Variants in KCNQ3 observed in about 807,000 individuals in gnomAD.
KCNQ3 encodes the protein potassium voltage-gated channel subfamily Q member 3.
KCNQ3 carries 30 observed loss-of-function variants against 92.5 expected under a neutral mutation model. The observed-to-expected ratio is 0.32, with a 90% confidence interval of 0.24 to 0.44. The LOEUF is 0.44. Ranked by LOEUF, KCNQ3 falls within the 20% of genes least tolerant of loss-of-function variation. The pLI is 1.00. For missense variants in KCNQ3, 913 were observed against 1,140.3 expected (o/e 0.80, Z 2.87); for synonymous variants, 450 against 468.8 (o/e 0.96, Z 0.52).
At chr8:132,279,324 A>AT (rs1175272857) in intron 1 of KCNQ3, among the ~76,000 whole-genome samples, 1 of 152,166 alleles carries the variant, frequency 6.6e-6, no homozygotes, top group East Asian at 1.9e-4. Context: ...CTCCTAGGTG[A>AT]TTTTACCGTG....
intron 1 of KCNQ3, among the ~76,000 whole-genome samples, chr8:132,446,039 A>T (rs1041109098): frequency 3.9e-5 from 6 of 152,198 alleles, no homozygotes; most frequent in African/African-American, 1.4e-4. Context: ...TGCAGAGCTG[A>T]ACTGTATTTA....
At chr8:132,340,862 A>G (rs1818510512) in intron 1 of KCNQ3, among the ~76,000 whole-genome samples, 1 of 152,204 alleles carries the variant, frequency 6.6e-6, no homozygotes, top group African/African-American at 2.4e-5. Flanking sequence ...CCTTCATTGC[A>G]CCTATATTGA....
At chr8:132,412,229 C>T (rs1238083817) in intron 1 of KCNQ3, among the ~76,000 whole-genome samples, 1 of 152,172 alleles carries the variant, frequency 6.6e-6, no homozygotes, top group Non-Finnish European at 1.5e-5. Flanking sequence ...TTGAGAATCA[C>T]CAAGGGCAGT....
At chr8:132,223,035 G>A (rs1814285878) in intron 1 of KCNQ3, among the ~76,000 whole-genome samples, 2 of 152,246 alleles carry the variant, frequency 1.3e-5, no homozygotes, top group African/African-American at 2.4e-5. Context: ...AAAGGCTACA[G>A]TGTGGGTGGA....
intron 13 of KCNQ3, among the ~76,000 whole-genome samples, chr8:132,133,513 G>A (rs975670009): frequency 2.2e-4 from 33 of 151,806 alleles, no homozygotes; most frequent in African/African-American, 7.3e-4. Flanking sequence ...GCGCCACCAC[G>A]CCCAGCTAAT....
intron 1 of KCNQ3, among the ~76,000 whole-genome samples, chr8:132,431,753 T>A (rs572275939): frequency 6.6e-6 from 1 of 152,188 alleles, no homozygotes; most frequent in Non-Finnish European, 1.5e-5. Context: ...GAAATTGTTT[T>A]CATCGTTCCC....
At chr8:132,402,743 C>T (rs532856315) in intron 1 of KCNQ3, among the ~76,000 whole-genome samples, 126 of 152,130 alleles carry the variant, frequency 8.3e-4, no homozygotes, top group Non-Finnish European at 1.6e-3. Context: ...ATTGGCCCGG[C>T]GCGGTGGCTC....
chr8:132,218,390 G>T (rs1279913657), intron 1 of KCNQ3, among the ~76,000 whole-genome samples: 1 of 152,170 alleles, frequency 6.6e-6, no homozygotes, highest in African/African-American at 2.4e-5. Flanking sequence ...GTACATTTTG[G>T]TTGAATGAAT....
rs552786087 is a variant in KCNQ3, at chr8:132,280,824, G to A, written c.387-94643C>T. 6.6e-5 allele frequency among the ~76,000 whole-genome samples: 10 copies of A among 152,282 alleles called. No individual in the cohort carries two copies. In the South Asian group the frequency reaches 1.4e-3, roughly 22 times the overall value. ...TGATTTCATTCCTCTTTTTGTTTGC[G>A]ATGTAGTTGCATTTGTCACGTAGTT... On this transcript the variant is annotated intron_variant, in intron 1 of 14. Transcript: ENST00000388996.
chr8:132,199,709 A>C (rs1652255731), intron 1 of KCNQ3, among the ~76,000 whole-genome samples: 1 of 152,200 alleles, frequency 6.6e-6, no homozygotes, highest in South Asian at 2.1e-4. Context: ...CAGGAGTTCG[A>C]CACCAGCCTG....
At chr8:132,279,341 G>C (rs1163074608) in intron 1 of KCNQ3, among the ~76,000 whole-genome samples, 1 of 152,158 alleles carries the variant, frequency 6.6e-6, no homozygotes, top group Non-Finnish European at 1.5e-5. Context: ...CGTGCAGCAT[G>C]GTTAAGAAGC....
intron 1 of KCNQ3, among the ~76,000 whole-genome samples, chr8:132,192,298 A>G (rs73356933): frequency 0.013 from 1,979 of 152,346 alleles, 48 homozygotes; most frequent in African/African-American, 0.046. Flanking sequence ...ATTAATTTAT[A>G]CAGCTAAAAT....
At chr8:132,288,115 A>G (rs1466522459) in intron 1 of KCNQ3, among the ~76,000 whole-genome samples, 3 of 152,228 alleles carry the variant, frequency 2.0e-5, no homozygotes, top group East Asian at 1.9e-4. Context: ...ATCTTTATGC[A>G]TGACATCTTT....
At chr8:132,430,054 G>A (rs1321511106) in intron 1 of KCNQ3, among the ~76,000 whole-genome samples, 1 of 152,112 alleles carries the variant, frequency 6.6e-6, no homozygotes, top group Admixed American at 6.5e-5. Context: ...TGGGCAGAGA[G>A]GCCTAGGGGT....
At chr8:132,400,194 T>C (rs1820297666) in intron 1 of KCNQ3, among the ~76,000 whole-genome samples, 2 of 152,220 alleles carry the variant, frequency 1.3e-5, no homozygotes, top group African/African-American at 4.8e-5. Flanking sequence ...TCAGCGTCTG[T>C]GTGCCTCTTG....
At chr8:132,185,965 G>C (rs1826943775) in intron 2 of KCNQ3, 126 bp downstream of exon 2, 1 of 749,042 alleles carries the variant, frequency 1.3e-6, no homozygotes, top group Admixed American at 1.9e-5. Flanking sequence ...CTTTTCCTTG[G>C]GCCTGGACTT....
intron 1 of KCNQ3, among the ~76,000 whole-genome samples, chr8:132,477,199 T>A: frequency 6.6e-6 from 1 of 152,142 alleles, no homozygotes; most frequent in Non-Finnish European, 1.5e-5. Flanking sequence ...CAGTCTCAGG[T>A]ATTTCTTTAT....
intron 9 of KCNQ3, among the ~76,000 whole-genome samples, chr8:132,147,146 G>A (rs1825475383): frequency 6.6e-6 from 1 of 152,218 alleles, no homozygotes; most frequent in African/African-American, 2.4e-5. Flanking sequence ...AGATGCTACT[G>A]CTGTGGAGTA....
At position 132,122,906 on chromosome 8, in the gene KCNQ3, C is replaced by G. The variant is rs1055030359; in HGVS notation, c.*6356G>C. 1.3e-5 allele frequency: 2 copies of G among 152,168 alleles called. No homozygotes were observed. The highest frequency in any genetic ancestry group is 4.8e-5 in the African/African-American group (2 of 41,432). The allele number at this position is 152,168 out of a possible 1,614,324, so 9.4% of individuals were successfully genotyped here. A position where few individuals can be genotyped will look rare whatever the true frequency, so the allele number is the denominator to read the frequency against. Reference sequence around the variant, plus strand: ...CTTAGTTACATAACCATAAGATGTCCTAAGTTGAGTCCTGTCTGCTTCTTT... The same window carrying G: ...CTTAGTTACATAACCATAAGATGTCGTAAGTTGAGTCCTGTCTGCTTCTTT... On this transcript the variant is annotated 3_prime_UTR_variant, in exon 15 of 15. Transcript: ENST00000388996.
Sources: allele counts gnomAD v4.1 joint callset (sites outside exome capture counted in the v4.1 genomes callset), GRCh38; gene constraint gnomAD v4.1.1; transcripts MANE v1.5; gene names NCBI Gene and HGNC (gene_info 2026-07-23, HGNC 2026-07-21).